The following AARS2 variants were observed in gnomAD, a reference collection of about 807,000 sequenced individuals.
The protein encoded by AARS2 is alanyl-tRNA synthetase 2, mitochondrial.
In AARS2, 78 loss-of-function variants were observed where a neutral mutation model predicts 119.7. The observed-to-expected ratio is 0.65, with a 90% CI of 0.54 to 0.79. The LOEUF is 0.79. AARS2 is among the 30% of genes least tolerant of loss of function. The pLI, the probability that AARS2 is intolerant of heterozygous loss-of-function variation, is 0.00. For missense variants in AARS2, 1,157 were observed against 1,291.3 expected, an observed-to-expected ratio of 0.90 and a Z score of 1.59; for synonymous variants, 502 against 526.3, an observed-to-expected ratio of 0.95 and a Z score of 0.63.
rs1785223921 is a variant in AARS2, at chr6:44,299,967, G to A, written c.*580C>T. 7.4e-6 allele frequency: 1 copy of A among 135,424 alleles called. No homozygotes were observed. The highest frequency in any genetic ancestry group is 1.6e-5 in the Non-Finnish European group (1 of 63,338). 8.4% of individuals were successfully genotyped at this position (135,424 alleles called of 1,614,324 possible). On this transcript the variant is annotated 3_prime_UTR_variant, in exon 22 of 22. Coordinates refer to ENST00000244571, the MANE Select transcript of AARS2 (RefSeq NM_020745.4). ...TTTTTAAAGGTAATAGAACCTTCTG[G>A]AGCTTGCTATCCTCTGTGAAATAAT...
intron 15 of AARS2, 52 bp downstream of exon 15, chr6:44,303,234 G>A: frequency 6.2e-7 from 1 of 1,614,050 alleles, no homozygotes; most frequent in Non-Finnish European, 8.5e-7. Flanking sequence ...AAGCCTCCAG[G>A]TATGCCTGAA....
Position 44,302,927 on chromosome 6 carries a change from T to G in AARS2, c.2256-17A>C. On this transcript the variant is annotated splice_polypyrimidine_tract_variant and intron_variant, in intron 16 of 21. Coordinates refer to ENST00000244571, the MANE Select transcript of AARS2 (RefSeq NM_020745.4). Reference sequence around the variant, plus strand: ...AACAGGTGCCTGTGGGAGGAAGGAGTGAACAGAAAGTCGGGGCATGACAGT... The same window carrying G: ...AACAGGTGCCTGTGGGAGGAAGGAGGGAACAGAAAGTCGGGGCATGACAGT... 2 of 1,611,868 alleles carry G rather than the reference T, an allele frequency of 1.2e-6. No individual in the cohort carries two copies. Among genetic ancestry groups the G allele is most frequent in the Non-Finnish European group, 1.7e-6 (2 of 1,178,676 alleles).
At chr6:44,310,185 T>C in intron 5 of AARS2, 114 bp downstream of exon 5, 1 of 1,401,712 alleles carries the variant, frequency 7.1e-7, no homozygotes, top group East Asian at 2.5e-5. Context: ...TCTTGGTTGG[T>C]TATTGTCCTC....
At position 44,302,176 on chromosome 6, in the gene AARS2, G is replaced by C; in HGVS notation, c.2488-6C>G. On this transcript the variant is annotated splice_polypyrimidine_tract_variant and splice_region_variant and intron_variant, in intron 18 of 21. Transcript: ENST00000244571. ...ATCACAGCAGTTTCCACAGCCTATG[G>C]CCAGAAGCAGTACATCACCCCTGCC... is the stretch of plus-strand genomic sequence containing the variant. 1 of 1,613,950 alleles carries C rather than the reference G, an allele frequency of 6.2e-7. No homozygotes were observed. Among genetic ancestry groups the C allele is most frequent in the Non-Finnish European group, 8.5e-7 (1 of 1,179,972 alleles).
rs2153355668 is a variant in AARS2 at position 44,307,791 on chromosome 6, T to C, written c.895-397A>G. ...GCTCTCAAGGAGCAGATCTGAGATC[T>C]CAGCCGGGCCTGTTGGACTCCAGGT... is the stretch of plus-strand genomic sequence containing the variant. On this transcript the variant is annotated intron_variant, in intron 5 of 21. Coordinates refer to ENST00000244571, the MANE Select transcript of AARS2 (RefSeq NM_020745.4). The surrounding 1 kb of genome is among the most constrained non-coding windows in gnomAD (Gnocchi z 4.4). 1 of 276,284 alleles carries C rather than the reference T, an allele frequency of 3.6e-6. No individual in the cohort carries two copies. 17.1% of individuals were successfully genotyped at this position (276,284 alleles called of 1,614,324 possible).
Position 44,301,420 on chromosome 6 carries a change from C to T in AARS2, c.2643G>A (p.Gly881=), listed in dbSNP as rs1036180875. 6.2e-7 allele frequency: 1 copy of T among 1,613,800 alleles called. No homozygotes were observed. The highest frequency in any genetic ancestry group is 8.5e-7 in the Non-Finnish European group (1 of 1,180,030). ...CAGAGACTGTGTCCACAATCAGAGG[C>T]CCCTTCGAGTGCCGCTCCAGCAGCT... ...TQELLERHSK[G]PLIVDTVSAE... is the part of the protein sequence containing the mutation. The change falls in exon 20 of 22, where the codon GGG becomes GGA. Residue 881 remains glycine (G), a synonymous_variant. Transcript: ENST00000244571.
chr6:44,300,752 CT>C, intron 21 of AARS2, 41 bp from the exon 22 acceptor site: 1 of 1,603,376 alleles, frequency 6.2e-7, no homozygotes, highest in Non-Finnish European at 8.5e-7. Flanking sequence ...CAGAGTGGCC[CT>C]CCCTGCCAGC....
chr6:44,305,233 G>A lies in AARS2; in HGVS notation c.1435-35C>T. On this transcript the variant is annotated intron_variant, in intron 10 of 21. Coordinates refer to ENST00000244571, the MANE Select transcript of AARS2 (RefSeq NM_020745.4). This position sits in a 1 kb window ranked among gnomAD's most constrained non-coding sequence, Gnocchi z 4.6. ...GGGCATGGGCATGGAAGAAGTGCAT[G>A]GAGAATGAAAGAATGAAAGTGGGAC... The A allele has an allele frequency of 3.1e-6, 5 of 1,606,270 alleles. No individual in the cohort carries two copies. Among genetic ancestry groups the A allele is most frequent in the Non-Finnish European group, 4.2e-6 (5 of 1,179,968 alleles).
intron 2 of AARS2, 99 bp from the exon 3 acceptor site, chr6:44,311,634 CA>C: frequency 7.1e-7 from 1 of 1,402,494 alleles, no homozygotes; most frequent in Non-Finnish European, 9.9e-7. Context: ...CGACTTAAGA[CA>C]AAAGCATTTC....
chr6:44,311,559 TG>T (rs760636859), intron 2 of AARS2, 24 bp from the exon 3 acceptor site: 31 of 1,587,272 alleles, frequency 2.0e-5, no homozygotes, highest in Admixed American at 1.4e-4. Flanking sequence ...CAGCATGGGG[TG>T]GGGGGGGAAG....
chr6:44,302,389 A>C lies in AARS2; in HGVS notation c.2487+2T>G. On this transcript the variant is annotated splice_donor_variant, in intron 18 of 21. Transcript: ENST00000244571. LOFTEE classifies it high-confidence loss of function. ...GGGTGGGGTGGTAGGCGTGGCCCTCACTTCAATGAGTCGTCCTATGTCCTT... is the reference window on the plus strand; with the variant it reads ...GGGTGGGGTGGTAGGCGTGGCCCTCCCTTCAATGAGTCGTCCTATGTCCTT... 3.1e-6 allele frequency: 5 copies of C among 1,614,072 alleles called. No homozygotes were observed. The highest frequency in any genetic ancestry group is 4.2e-6 in the Non-Finnish European group (5 of 1,179,996).
In AARS2 at chr6:44,298,964, C is replaced by A. The variant is rs1367662439; in HGVS notation, c.*1583G>T. The stretch of plus-strand genomic sequence containing the variant: ...TTTCAGCTTCAGCTCAGGCTTGAGG[C>A]AGGTGCTGTACAACTTGTTTTAATA... On this transcript the variant is annotated 3_prime_UTR_variant, in exon 22 of 22. Transcript: ENST00000244571. Among the ~76,000 whole-genome samples, 1 of 152,180 alleles carries A rather than the reference C, an allele frequency of 6.6e-6. No individual in the cohort carries two copies. Among genetic ancestry groups the A allele is most frequent in the Non-Finnish European group, 1.5e-5 (1 of 68,018 alleles).
At position 44,302,882 on chromosome 6, in the gene AARS2, C is replaced by T. The variant is rs947000855; in HGVS notation, c.2284G>A (p.Asp762Asn). Residue 762 changes from aspartate (D) to asparagine (N), a missense_variant, in exon 17 of 22, where the codon GAC (aspartate) becomes AAC (asparagine). Coordinates refer to ENST00000244571, the MANE Select transcript of AARS2 (RefSeq NM_020745.4). Reference protein sequence around the residue: ...THLLRTGAVGDLVIIGDRQLS... With the variant: ...THLLRTGAVGNLVIIGDRQLS... ...TGGCGGTCCCCGATGATAACCAGGTCCCCTACAGCCCCAGTACGTAACAGG... is the reference window on the plus strand; with the variant it reads ...TGGCGGTCCCCGATGATAACCAGGTTCCCTACAGCCCCAGTACGTAACAGG... 2 of 1,614,114 alleles carry T rather than the reference C, an allele frequency of 1.2e-6. No homozygotes were observed. Among genetic ancestry groups the T allele is most frequent in the Non-Finnish European group, 1.7e-6 (2 of 1,180,016 alleles).
Position 44,303,091 on chromosome 6 carries a change from T to G in AARS2, c.2230A>C (p.Thr744Pro). 1 of 1,613,778 alleles carries G rather than the reference T, an allele frequency of 6.2e-7. No homozygotes were observed. Residue 744 changes from threonine (T) to proline (P), a missense_variant, in exon 16 of 22, where the codon ACC (threonine) becomes CCC (proline). By Grantham distance (38) the Thr-to-Pro change is conservative. Coordinates refer to ENST00000244571, the MANE Select transcript of AARS2 (RefSeq NM_020745.4). The stretch of plus-strand genomic sequence containing the variant: ...GTCCCACAGCATAGCTCCACAGAGG[T>G]CTGCAGTGCGGCTTGGGAGGCTGGG... ...LDPASQAALQ[T>P]SVELCCGTHL...
chr6:44,310,738 G>A (rs1450178545), intron 4 of AARS2, among the ~76,000 whole-genome samples: 3 of 152,170 alleles, frequency 2.0e-5, no homozygotes, highest in African/African-American at 7.2e-5. Context: ...GTCAAGGCTA[G>A]AAGAAAATCT....
Position 44,300,428 on chromosome 6 carries a change from G to T in AARS2, c.*119C>A. On this transcript the variant is annotated 3_prime_UTR_variant, in exon 22 of 22. Coordinates refer to ENST00000244571, the MANE Select transcript of AARS2 (RefSeq NM_020745.4). ...GCCCTGGCCCAGGTGATCTTCTTTGGCTCAGCTGCTTGGCCTCCAGCCTCT... is the reference window on the plus strand; with the variant it reads ...GCCCTGGCCCAGGTGATCTTCTTTGTCTCAGCTGCTTGGCCTCCAGCCTCT... 6.9e-7 allele frequency: 1 copy of T among 1,445,510 alleles called. No individual in the cohort carries two copies. The highest frequency in any genetic ancestry group is 9.7e-7 in the Non-Finnish European group (1 of 1,035,920). 89.5% of individuals were successfully genotyped at this position (1,445,510 alleles called of 1,614,324 possible).
chr6:44,308,464 C>T (rs1025156574), intron 5 of AARS2, among the ~76,000 whole-genome samples: 5 of 151,438 alleles, frequency 3.3e-5, no homozygotes, highest in Non-Finnish European at 5.9e-5. Context: ...GCTTGAGCCC[C>T]GGAGGCAGAG....
rs370980332 is a variant in AARS2, at chr6:44,307,068, G to A, written c.1041-37C>T. 3.1e-5 allele frequency: 50 copies of A among 1,610,084 alleles called. No homozygotes were observed. In the African/African-American group the frequency reaches 4.8e-4, roughly 15 times the overall value. On this transcript the variant is annotated intron_variant, in intron 6 of 21. Transcript: ENST00000244571. This position sits in a 1 kb window ranked among gnomAD's most constrained non-coding sequence, Gnocchi z 4.4. ...CAGAGCCCAGACATGAATCCCCAGC[G>A]GCTCATGGTCAGCAATATGGGGAGT...
In AARS2 at chr6:44,306,406, G is replaced by C. The variant is rs897659878; in HGVS notation, c.1189-15C>G. On this transcript the variant is annotated splice_polypyrimidine_tract_variant and intron_variant, in intron 8 of 21. Transcript: ENST00000244571. ...AGGTTGGCGATCTGAACCAGGCAGA[G>C]AAGAAGTGGAGCTGGGTCTCCTTGG... is the stretch of plus-strand genomic sequence containing the variant. The C allele has an allele frequency of 1.3e-6, 2 of 1,590,236 alleles. No homozygotes were observed. Among genetic ancestry groups the C allele is most frequent in the African/African-American group, 1.3e-5 (1 of 74,680 alleles).
Sources: gnomAD v4.1 joint callset for allele counts (sites outside exome capture counted in the v4.1 genomes callset) on GRCh38, gnomAD v4.1.1 for gene constraint, Gnocchi (gnomAD v3.1) non-coding constraint, MANE v1.5 for transcripts, NCBI Gene and HGNC (gene_info 2026-07-23, HGNC 2026-07-21) for gene names.